The following MROH1 variants were observed in gnomAD, a reference collection of about 807,000 sequenced individuals.
MROH1 encodes the protein maestro heat-like repeat-containing protein family member 1.
Under a neutral mutation model 116.5 loss-of-function variants are expected in MROH1, and 117 were observed. The observed-to-expected ratio is 1.00, with a 90% CI of 0.86 to 1.17. The LOEUF (loss-of-function observed/expected upper bound fraction) is 1.17. MROH1 is among the 50% of genes most tolerant of loss of function. MROH1 has a pLI of 0.00. For synonymous variants in MROH1, 921 were observed against 583.9 expected (o/e 1.58, Z -8.32); for missense variants, 1,873 against 1,338.5 (o/e 1.40, Z -6.23).
intron 22 of MROH1, chr8:144,242,125 C>A (rs1301863261): frequency 2.2e-5 from 13 of 599,022 alleles, no homozygotes; most frequent in Non-Finnish European, 3.9e-5. Context: ...GGCCCTTGGC[C>A]CTCTGTTACT....
chr8:144,250,200 G>C lies in MROH1; in HGVS notation c.3274-12G>C. On this transcript the variant is annotated splice_polypyrimidine_tract_variant and intron_variant, in intron 32 of 43. Transcript: ENST00000326134. ...ACGCGTGGCCTGACCACCGTGTCCC[G>C]CCCATCTACAGGTGCCCGAGATCGT... is the stretch of plus-strand genomic sequence containing the variant. 1.3e-6 allele frequency: 1 copy of C among 764,560 alleles called. No homozygotes were observed. Among genetic ancestry groups the C allele is most frequent in the Middle Eastern group, 3.3e-4 (1 of 3,068 alleles). 47.4% of individuals were successfully genotyped at this position (764,560 alleles called of 1,614,324 possible). A position where few individuals can be genotyped will look rare whatever the true frequency, so the allele number is the denominator to read the frequency against.
Position 144,163,714 on chromosome 8 carries a change from T to G in MROH1, c.-56-57T>G. 9.8e-7 allele frequency: 1 copy of G among 1,022,558 alleles called. No homozygotes were observed. Among genetic ancestry groups the G allele is most frequent in the Admixed American group, 2.3e-5 (1 of 44,214 alleles). 63.3% of individuals were successfully genotyped at this position (1,022,558 alleles called of 1,614,324 possible). A position where few individuals can be genotyped will look rare whatever the true frequency, so the allele number is the denominator to read the frequency against. On this transcript the variant is annotated intron_variant, in intron 2 of 43. Coordinates refer to ENST00000326134, the MANE Select transcript of MROH1 (RefSeq NM_032450.3). This position sits in a 1 kb window ranked among gnomAD's most constrained non-coding sequence, Gnocchi z 4.4. ...TTTACATGGAAATGGTAATTGCCTG[T>G]GAACTCAGATATCGTAGAGGCTTAT... is the stretch of plus-strand genomic sequence containing the variant.
At chr8:144,197,203 A>G (rs1830104756) in intron 10 of MROH1, among the ~76,000 whole-genome samples, 1 of 152,116 alleles carries the variant, frequency 6.6e-6, no homozygotes, top group Admixed American at 6.6e-5. Context: ...GTTTACACCC[A>G]TTCATGCGGT....
intron 33 of MROH1, chr8:144,250,800 C>G: frequency 2.9e-6 from 1 of 349,394 alleles, no homozygotes; most frequent in Non-Finnish European, 5.6e-6. Flanking sequence ...ACTGCCTGAT[C>G]TGAGCCCCCT....
At chr8:144,190,727 C>A in intron 7 of MROH1, 57 bp from the exon 8 acceptor site, 3 of 1,582,214 alleles carry the variant, frequency 1.9e-6, no homozygotes, top group Non-Finnish European at 2.6e-6. Context: ...GACATAGGTG[C>A]TGAGGATCGT....
chr8:144,199,289 G>A (rs1830579845), intron 11 of MROH1, 89 bp downstream of exon 11: 2 of 1,380,760 alleles, frequency 1.4e-6, no homozygotes, highest in African/African-American at 2.9e-5. Flanking sequence ...TGGTGGCTGG[G>A]GTACTGGTCG....
chr8:144,207,591 G>A (rs902384944), intron 12 of MROH1, among the ~76,000 whole-genome samples: 6 of 151,514 alleles, frequency 4.0e-5, no homozygotes, highest in African/African-American at 1.2e-4. Flanking sequence ...CCACATCCTC[G>A]GCCTCCTGGG....
chr8:144,174,507 A>G (rs1823323490), intron 4 of MROH1, among the ~76,000 whole-genome samples: 1 of 143,904 alleles, frequency 6.9e-6, no homozygotes. Context: ...AAATTCAGGG[A>G]TGGACTCCCT....
At chr8:144,205,129 A>G (rs1832540410) in intron 12 of MROH1, among the ~76,000 whole-genome samples, 1 of 152,184 alleles carries the variant, frequency 6.6e-6, no homozygotes, top group African/African-American at 2.4e-5. Context: ...GGCTCAAGCA[A>G]TCCTCCCACC....
chr8:144,241,209 TGTGTGCGTGTGTGCATACACAGGTG>T, intron 21 of MROH1, 98 bp downstream of exon 21: 5 of 700,002 alleles, frequency 7.1e-6, no homozygotes, highest in East Asian at 2.7e-5. Context: ...TGTGTGCCTG[TGTGTGCGTGTGTGCATACACAGGTG>T]GTGTGCGTAT....
Position 144,192,577 on chromosome 8 carries a change from G to A in MROH1, c.948+176G>A, listed in dbSNP as rs775801210. The A allele has an allele frequency of 1.1e-5, 8 of 710,150 alleles. No homozygotes were observed. The East Asian group carries it at 2.1e-4, about 19-fold the overall frequency. 44.0% of individuals were successfully genotyped at this position (710,150 alleles called of 1,614,324 possible). A position where few individuals can be genotyped will look rare whatever the true frequency, so the allele number is the denominator to read the frequency against. ...TTCTTAGCGATGTGGCGATGCTCTT[G>A]CCCTGCCCAGTAGTGGCACATGCAG... On this transcript the variant is annotated intron_variant, in intron 10 of 43. Coordinates refer to ENST00000326134, the MANE Select transcript of MROH1 (RefSeq NM_032450.3).
intron 10 of MROH1, among the ~76,000 whole-genome samples, chr8:144,193,937 C>T (rs1009245491): frequency 7.2e-5 from 11 of 152,042 alleles, no homozygotes; most frequent in African/African-American, 2.2e-4. Flanking sequence ...ACACCTTATG[C>T]GGGAGGGCTT....
chr8:144,241,218 G>T (rs1840918219), intron 21 of MROH1, 107 bp downstream of exon 21: 1 of 700,788 alleles, frequency 1.4e-6, no homozygotes, highest in African/African-American at 1.8e-5. Flanking sequence ...GTGTGTGCGT[G>T]TGTGCATACA....
Position 144,190,834 on chromosome 8 carries a change from C to T in MROH1, c.613C>T (p.Arg205Ter), listed in dbSNP as rs747179962. The T allele has an allele frequency of 1.6e-5, 26 of 1,613,676 alleles. No individual in the cohort carries two copies. Among genetic ancestry groups the T allele is most frequent in the East Asian group, 2.2e-5 (1 of 44,882 alleles). Reference sequence around the variant, plus strand: ...CCTGGAGTACCTAGCCAACCTGGACCGAGCCCCAGACCCCACGGTCAGGAA... The same window carrying T: ...CCTGGAGTACCTAGCCAACCTGGACTGAGCCCCAGACCCCACGGTCAGGAA... ...GALEYLANLD[R>*]APDPTVRKDA... Residue 205 changes from arginine (R) to a stop codon, truncating the protein, a stop_gained, in exon 8 of 44, where the codon CGA (arginine) becomes TGA (stop). Coordinates refer to ENST00000326134, the MANE Select transcript of MROH1 (RefSeq NM_032450.3). LOFTEE classifies it high-confidence loss of function.
At chr8:144,235,592 T>C (rs1348874539) in intron 14 of MROH1, among the ~76,000 whole-genome samples, 1 of 152,250 alleles carries the variant, frequency 6.6e-6, no homozygotes, top group East Asian at 1.9e-4. Flanking sequence ...GTGTCTAAGA[T>C]GAGCTTGTCG....
chr8:144,202,268 G>A (rs1481537795), intron 12 of MROH1, among the ~76,000 whole-genome samples: 1 of 151,972 alleles, frequency 6.6e-6, no homozygotes, highest in African/African-American at 2.4e-5. Context: ...TGGAGGGGCG[G>A]GGAGGGGAGA....
intron 22 of MROH1, among the ~76,000 whole-genome samples, chr8:144,242,050 A>T (rs1257009614): frequency 6.6e-6 from 1 of 152,206 alleles, no homozygotes; most frequent in Non-Finnish European, 1.5e-5. Context: ...AGCTCTTCTC[A>T]GCTGCCTCCT....
intron 4 of MROH1, among the ~76,000 whole-genome samples, chr8:144,171,917 A>G (rs913407537): frequency 3.3e-5 from 5 of 152,286 alleles, no homozygotes; most frequent in Middle Eastern, 3.4e-3. Context: ...GCTACGACAG[A>G]CAGAAAGGAG....
At chr8:144,241,899 A>T (rs1048959403) in intron 22 of MROH1, among the ~76,000 whole-genome samples, 1 of 152,146 alleles carries the variant, frequency 6.6e-6, no homozygotes, top group African/African-American at 2.4e-5. Flanking sequence ...CAGGCCCCCA[A>T]CCCGGCTGTG....
Sources: gnomAD v4.1 joint callset for allele counts (sites outside exome capture counted in the v4.1 genomes callset) on GRCh38, gnomAD v4.1.1 for gene constraint, Gnocchi (gnomAD v3.1) non-coding constraint, MANE v1.5 for transcripts, NCBI Gene and HGNC (gene_info 2026-07-23, HGNC 2026-07-21) for gene names.